NOTCH2: variants seen among roughly 807,000 people sequenced by gnomAD.
The protein encoded by NOTCH2 is notch receptor 2.
Under a neutral mutation model 235.8 loss-of-function variants are expected in NOTCH2, and 29 were observed. That is an observed-to-expected ratio of 0.12 (90% CI 0.09 to 0.17). NOTCH2 has a LOEUF of 0.17. Among genes scored for constraint, NOTCH2 ranks in the 10% least tolerant of loss-of-function variants. The probability of loss-of-function intolerance (pLI) is 1.00; values close to 1 mark genes in which losing one functional copy is unlikely to be tolerated. For synonymous variants in NOTCH2, 1,086 were observed against 1,141.5 expected, an observed-to-expected ratio of 0.95 and a Z score of 0.98; for missense variants, 2,285 against 3,150.2, an observed-to-expected ratio of 0.73 and a Z score of 6.57.
chr1:119,958,714 ATG>A (rs10546889), intron 12 of NOTCH2, among the ~76,000 whole-genome samples: 8,552 of 149,778 alleles, frequency 0.057, 332 homozygotes, highest in South Asian at 0.11. Context: ...GAGAGAGAAG[ATG>A]TGTGTGTGTG....
At chr1:120,031,180 C>T (rs1323335838) in intron 1 of NOTCH2, among the ~76,000 whole-genome samples, 2 of 144,908 alleles carry the variant, frequency 1.4e-5, no homozygotes, top group Non-Finnish European at 3.0e-5. Flanking sequence ...GGCCACGAAA[C>T]CAGTAGCCCA....
chr1:119,955,964 A>G (rs1650681465), intron 12 of NOTCH2, among the ~76,000 whole-genome samples: 1 of 152,342 alleles, frequency 6.6e-6, no homozygotes, highest in Middle Eastern at 3.4e-3. Context: ...TGATGAATAG[A>G]ATCTAGCAAA....
rs1005773650 is a variant in NOTCH2 at position 119,981,139 on chromosome 1, C to T, written c.874+5821G>A. Among the ~76,000 whole-genome samples, 9 of 152,016 alleles carry T rather than the reference C, an allele frequency of 5.9e-5. 1 individual carries two copies. The highest frequency in any genetic ancestry group is 1.3e-4 in the Non-Finnish European group (9 of 68,000). On this transcript the variant is annotated intron_variant, in intron 5 of 33. Transcript: ENST00000256646. The stretch of plus-strand genomic sequence containing the variant: ...GTTTTTCACTTGGAAAACTCATCTC[C>T]AACTTACCATCATTTCTACCCTATT...
intron 24 of NOTCH2, among the ~76,000 whole-genome samples, chr1:119,926,091 T>C (rs1027024887): frequency 6.6e-6 from 1 of 152,212 alleles, no homozygotes; most frequent in Non-Finnish European, 1.5e-5. Flanking sequence ...TCCAAATGGT[T>C]CCTGCTAAAG....
intron 1 of NOTCH2, among the ~76,000 whole-genome samples, chr1:120,037,707 A>C (rs1210735300): frequency 1.3e-5 from 2 of 151,838 alleles, no homozygotes. Flanking sequence ...ATAAGAGATA[A>C]ATCGATTTTG....
At chr1:119,923,518 G>A (rs1649358732) in intron 26 of NOTCH2, 119 bp downstream of exon 26, 3 of 887,148 alleles carry the variant, frequency 3.4e-6, no homozygotes, top group Middle Eastern at 6.5e-4. Flanking sequence ...ATCTTAAGTG[G>A]TGGGCCATTC....
At chr1:119,960,173 A>C (rs1047403389) in intron 11 of NOTCH2, among the ~76,000 whole-genome samples, 10 of 152,174 alleles carry the variant, frequency 6.6e-5, no homozygotes, top group Admixed American at 2.0e-4. Flanking sequence ...AAAGCAGCAA[A>C]CCTGTCATTT....
intron 5 of NOTCH2, among the ~76,000 whole-genome samples, chr1:119,980,206 T>C (rs74115510): frequency 0.063 from 9,598 of 152,296 alleles, 987 homozygotes; most frequent in African/African-American, 0.22. Context: ...CTCATTGTTC[T>C]AGTCCAAGAT....
chr1:119,920,113 T>TA, intron 30 of NOTCH2, 116 bp downstream of exon 30: 1 of 1,126,654 alleles, frequency 8.9e-7, no homozygotes, highest in Non-Finnish European at 1.3e-6. Context: ...CGAGCTGATT[T>TA]AGAGTCTGTG....
At position 119,948,992 on chromosome 1, in the gene NOTCH2, C is replaced by T. The variant is rs1650361291; in HGVS notation, c.2599+15G>A. On this transcript the variant is annotated intron_variant, in intron 16 of 33. Coordinates refer to ENST00000256646, the MANE Select transcript of NOTCH2 (RefSeq NM_024408.4). ...AGAATGCATGTTCTTGGCTTCTCCACACCCATGTTCTTACCTTGCCAGCCA... is the reference window on the plus strand; with the variant it reads ...AGAATGCATGTTCTTGGCTTCTCCATACCCATGTTCTTACCTTGCCAGCCA... The T allele has an allele frequency of 1.2e-6, 2 of 1,614,200 alleles. No individual in the cohort carries two copies. The highest frequency in any genetic ancestry group is 1.7e-6 in the Non-Finnish European group (2 of 1,180,022).
At chr1:119,962,018 C>T (rs922767359) in intron 11 of NOTCH2, among the ~76,000 whole-genome samples, 13 of 152,150 alleles carry the variant, frequency 8.5e-5, no homozygotes, top group African/African-American at 1.9e-4. Context: ...GTTGTCTGAC[C>T]GTTGCTTGCT....
At chr1:120,025,391 C>G (rs1653802437) in intron 2 of NOTCH2, among the ~76,000 whole-genome samples, 1 of 152,090 alleles carries the variant, frequency 6.6e-6, no homozygotes, top group Non-Finnish European at 1.5e-5. Context: ...ACCACTGAAC[C>G]CCTAGAAGGG....
intron 1 of NOTCH2, among the ~76,000 whole-genome samples, chr1:120,054,382 GA>G (rs1450307141): frequency 7.2e-6 from 1 of 139,178 alleles, no homozygotes; most frequent in East Asian, 2.3e-4. Context: ...CACAGAAAAG[GA>G]AAAAAACAAG....
At chr1:120,064,809 C>T (rs1553216790) in intron 1 of NOTCH2, among the ~76,000 whole-genome samples, 2 of 146,536 alleles carry the variant, frequency 1.4e-5, no homozygotes, top group South Asian at 2.2e-4. Context: ...CAATCCAGTA[C>T]AAGTTTGCAA....
intron 15 of NOTCH2, 32 bp from the exon 16 acceptor site, chr1:119,949,158 T>A: frequency 6.2e-7 from 1 of 1,614,038 alleles, no homozygotes; most frequent in Non-Finnish European, 8.5e-7. Context: ...TTATGACAGA[T>A]AAACAGGTAA....
At chr1:119,947,152 G>A (rs147179220) in intron 17 of NOTCH2, among the ~76,000 whole-genome samples, 1 of 152,178 alleles carries the variant, frequency 6.6e-6, no homozygotes, top group African/African-American at 2.4e-5. Flanking sequence ...GATACATGAA[G>A]CATGAACTAT....
chr1:119,999,981 AAGGAAGGAAGGAAGG>A (rs1557840329), intron 3 of NOTCH2, among the ~76,000 whole-genome samples: 1 of 91,420 alleles, frequency 1.1e-5, no homozygotes, highest in African/African-American at 8.7e-5. Flanking sequence ...GAAAGAAAGG[AAGGAAGGAAGGAAGG>A]AAGGAAGGAA....
chr1:119,955,012 G>A, intron 13 of NOTCH2, 28 bp downstream of exon 13: 1 of 1,611,670 alleles, frequency 6.2e-7, no homozygotes, highest in Non-Finnish European at 8.5e-7. Context: ...AGGTCAATAA[G>A]AAACTATCAC....
intron 1 of NOTCH2, chr1:120,068,815 C>T: frequency 2.4e-6 from 1 of 408,628 alleles, no homozygotes; most frequent in Non-Finnish European, 4.7e-6. Flanking sequence ...AACCCCGTCC[C>T]CATCCAAACC....
Sources: gnomAD v4.1 joint callset for allele counts (sites outside exome capture counted in the v4.1 genomes callset) on GRCh38, gnomAD v4.1.1 for gene constraint, MANE v1.5 for transcripts, NCBI Gene and HGNC (gene_info 2026-07-23, HGNC 2026-07-21) for gene names.